ITGA9: variants seen among roughly 807,000 people sequenced by gnomAD.
ITGA9 encodes the protein integrin subunit alpha 9.
ITGA9 carries 56 observed loss-of-function variants against 127.8 expected under a neutral mutation model. The observed-to-expected ratio is 0.44, with a 90% CI of 0.35 to 0.55. The LOEUF is 0.55. Ranked by LOEUF, ITGA9 falls within the 20% of genes least tolerant of loss-of-function variation. ITGA9 has a pLI of 0.00. For synonymous variants in ITGA9, 508 were observed against 514.5 expected (o/e 0.99, Z 0.17); for missense variants, 1,196 against 1,347.1 (o/e 0.89, Z 1.76).
chr3:37,681,234 G>T (rs1386321954), intron 17 of ITGA9, among the ~76,000 whole-genome samples: 1 of 152,196 alleles, frequency 6.6e-6, no homozygotes, highest in Non-Finnish European at 1.5e-5. Context: ...TTAAAAGGAT[G>T]TGGGGTGGTT....
chr3:37,758,329 C>CAAAAAAAAAAAAAAAAAA (rs57505967), intron 23 of ITGA9, among the ~76,000 whole-genome samples: 33 of 65,988 alleles, frequency 5.0e-4, no homozygotes, highest in African/African-American at 2.2e-3. Flanking sequence ...GACTCCGTCT[C>CAAAAAAAAAAAAAAAAAA]AAAAAAAAAA....
At chr3:37,607,392 A>G (rs1699978573) in intron 15 of ITGA9, among the ~76,000 whole-genome samples, 1 of 152,242 alleles carries the variant, frequency 6.6e-6, no homozygotes, top group East Asian at 1.9e-4. Context: ...AGAACAAAAA[A>G]CTTTTTTTCT....
chr3:37,665,390 G>T (rs1419780297), intron 17 of ITGA9, among the ~76,000 whole-genome samples: 1 of 152,198 alleles, frequency 6.6e-6, no homozygotes, highest in East Asian at 1.9e-4. Flanking sequence ...TTTTGAATAA[G>T]AGTTGACAGA....
At chr3:37,602,896 A>G (rs1699935577) in intron 15 of ITGA9, among the ~76,000 whole-genome samples, 1 of 152,236 alleles carries the variant, frequency 6.6e-6, no homozygotes, top group Non-Finnish European at 1.5e-5. Context: ...GCTGGGGCAA[A>G]GGTCTATACT....
chr3:37,604,418 A>G (rs898139821), intron 15 of ITGA9, among the ~76,000 whole-genome samples: 6 of 152,214 alleles, frequency 3.9e-5, no homozygotes, highest in African/African-American at 1.4e-4. Flanking sequence ...TAGAAGCCAC[A>G]CCTTTGGGTG....
chr3:37,706,163 T>C (rs1701003107), intron 18 of ITGA9, among the ~76,000 whole-genome samples: 1 of 152,316 alleles, frequency 6.6e-6, no homozygotes, highest in African/African-American at 2.4e-5. Context: ...TTCCATCTCC[T>C]TCCCCCTGCA....
intron 23 of ITGA9, among the ~76,000 whole-genome samples, chr3:37,768,677 A>G (rs1284669040): frequency 1.3e-5 from 2 of 152,212 alleles, no homozygotes; most frequent in Non-Finnish European, 2.9e-5. Context: ...AAGTCAATGA[A>G]TAACACAGAA....
chr3:37,519,417 C>A (rs1053556996), intron 11 of ITGA9, 63 bp downstream of exon 11: 66 of 1,275,344 alleles, frequency 5.2e-5, no homozygotes, highest in Non-Finnish European at 6.8e-5. Context: ...ATGTATGGAA[C>A]CTTCATTATG....
intron 16 of ITGA9, among the ~76,000 whole-genome samples, chr3:37,638,691 C>T (rs372530017): frequency 2.6e-5 from 4 of 152,294 alleles, no homozygotes; most frequent in South Asian, 4.1e-4. Context: ...GCCTTGATCT[C>T]TTCACTGAGC....
chr3:37,607,804 A>G (rs562658646), intron 15 of ITGA9, among the ~76,000 whole-genome samples: 1 of 152,336 alleles, frequency 6.6e-6, no homozygotes, highest in Non-Finnish European at 1.5e-5. Flanking sequence ...CGTGCCCAGA[A>G]ATAGCCTAGA....
chr3:37,504,282 T>A (rs536189606), intron 6 of ITGA9, among the ~76,000 whole-genome samples: 1 of 152,346 alleles, frequency 6.6e-6, no homozygotes, highest in South Asian at 2.1e-4. Context: ...CTTTTTAATT[T>A]CTGAAACAAC....
At position 37,743,936 on chromosome 3, in the gene ITGA9, C is replaced by T. The variant is rs1248830700; in HGVS notation, c.2335C>T (p.Pro779Ser). 3.7e-6 allele frequency: 6 copies of T among 1,612,706 alleles called. No individual in the cohort carries two copies. In the African/African-American group the frequency reaches 6.7e-5, roughly 18 times the overall value. Residue 779 changes from proline to serine, a missense_variant, in exon 22 of 28, where the codon CCA becomes TCA. By Grantham distance (74) the Pro-to-Ser change is moderately conservative. Coordinates refer to ENST00000264741, the MANE Select transcript of ITGA9 (RefSeq NM_002207.3). ...GCTTTCCTCTTTCAGAATCATGTCT[C>T]CAACCTCCTTTGTATATGGCGAGTC... ...VDTSITGIMS[P>S]TSFVYGESVD...
rs779690208 is a variant in ITGA9, at chr3:37,506,131, G to A, written c.828+46G>A. The A allele has an allele frequency of 4.5e-6, 6 of 1,346,372 alleles. No individual in the cohort carries two copies. In the East Asian group the frequency reaches 1.4e-4, roughly 32 times the overall value. 83.4% of individuals were successfully genotyped at this position (1,346,372 alleles called of 1,614,324 possible). A position where few individuals can be genotyped will look rare whatever the true frequency, so the allele number is the denominator to read the frequency against. ...AATAGCTGGGGTCAGACAGAAGAGG[G>A]GAGCATGCTGTCCCTGGTGCAGAGG... On this transcript the variant is annotated intron_variant, in intron 7 of 27. Transcript: ENST00000264741.
chr3:37,742,302 C>T (rs544604000), intron 21 of ITGA9, among the ~76,000 whole-genome samples: 34 of 152,264 alleles, frequency 2.2e-4, no homozygotes, highest in Non-Finnish European at 3.4e-4. Flanking sequence ...TTTCTGTTAA[C>T]TCCCTCTGCA....
At chr3:37,553,013 T>A (rs1392729545) in intron 15 of ITGA9, among the ~76,000 whole-genome samples, 3 of 137,138 alleles carry the variant, frequency 2.2e-5, no homozygotes, top group African/African-American at 2.7e-5. Flanking sequence ...AGACTCCATC[T>A]AAAAAAAAAA....
In ITGA9 at chr3:37,818,191, T is replaced by TTAAAAAAAAAAAAAAAA. The variant is rs1553674108; in HGVS notation, c.3010-700_3010-699insTAAAAAAAAAAAAAAAA. The TTAAAAAAAAAAAAAAAA allele has an allele frequency of 4.4e-3, 140 of 31,968 alleles. 3 individuals are homozygous for TTAAAAAAAAAAAAAAAA. The highest frequency in any genetic ancestry group is 0.013 in the African/African-American group (134 of 10,664). The allele number at this position is 31,968 out of a possible 1,614,324, so 2.0% of individuals were successfully genotyped here. A position where few individuals can be genotyped will look rare whatever the true frequency, so the allele number is the denominator to read the frequency against. On this transcript the variant is annotated intron_variant, in intron 27 of 27. Coordinates refer to ENST00000264741, the MANE Select transcript of ITGA9 (RefSeq NM_002207.3). ...CTTTCCACTGTACATTAAGACTCTC[T>TTAAAAAAAAAAAAAAAA]AAAAAAAAAAAAAAAAAAAAAAAAA...
At position 37,629,236 on chromosome 3, in the gene ITGA9, G is replaced by A; in HGVS notation, c.1739G>A (p.Ser580Asn). The change falls in exon 16 of 28, where the codon AGC becomes AAC. Residue 580 changes from serine to asparagine, a missense_variant. Physicochemically the swap from Ser to Asn is conservative, Grantham distance 46. Coordinates refer to ENST00000264741, the MANE Select transcript of ITGA9 (RefSeq NM_002207.3). The surrounding 1 kb of genome is among the most constrained non-coding windows in gnomAD (Gnocchi z 4.5). ...ISPIVFEAAYSLSEHVTGEEE... is the reference protein window; with the variant it reads ...ISPIVFEAAYNLSEHVTGEEE... ...CCGATCGTGTTTGAAGCAGCCTACA[G>A]CCTCAGTGAGCATGTGACTGGAGAG... The A allele has an allele frequency of 6.2e-7, 1 of 1,613,782 alleles. No homozygotes were observed. Among genetic ancestry groups the A allele is most frequent in the South Asian group, 1.1e-5 (1 of 91,062 alleles).
chr3:37,555,076 A>G (rs1343633182), intron 15 of ITGA9, among the ~76,000 whole-genome samples: 1 of 152,138 alleles, frequency 6.6e-6, no homozygotes, highest in African/African-American at 2.4e-5. Context: ...CACTAAGAGC[A>G]TCTTTTCCTC....
intron 3 of ITGA9, among the ~76,000 whole-genome samples, chr3:37,475,286 T>C (rs1305859291): frequency 1.3e-5 from 2 of 152,190 alleles, no homozygotes; most frequent in Non-Finnish European, 2.9e-5. Flanking sequence ...AAGGAGGTGG[T>C]GGCCCCGTGG....
Sources: gnomAD v4.1 joint callset for allele counts (sites outside exome capture counted in the v4.1 genomes callset) on GRCh38, gnomAD v4.1.1 for gene constraint, Gnocchi (gnomAD v3.1) non-coding constraint, MANE v1.5 for transcripts, NCBI Gene and HGNC (gene_info 2026-07-23, HGNC 2026-07-21) for gene names.